PLD5: variants seen among roughly 807,000 people sequenced by gnomAD.
PLD5 encodes the protein phospholipase D family member 5.
A neutral mutation model predicts 61.1 loss-of-function variants in PLD5; 36 were observed. The observed-to-expected ratio is 0.59, with a 90% CI of 0.45 to 0.78. The LOEUF (loss-of-function observed/expected upper bound fraction) is 0.78. PLD5 is among the 30% of genes least tolerant of loss of function. The probability of loss-of-function intolerance (pLI) is 0.00; values close to 1 mark genes in which losing one functional copy is unlikely to be tolerated. For missense variants in PLD5, 515 were observed against 644.4 expected (o/e 0.80, Z 2.17); for synonymous variants, 243 against 242.8 (o/e 1.00, Z -0.01).
rs1558528072 is a variant in PLD5, at chr1:242,395,013, A to AATATATG, written c.190-46772_190-46771insCATATAT. ...AATATATATGTATATATGAATATAT[A>AATATATG]TGAATATATATGTATATATGAATGT... On this transcript the variant is annotated intron_variant, in intron 1 of 9. Transcript: ENST00000536534. Among the ~76,000 whole-genome samples the AATATATG allele has an allele frequency of 7.1e-4, 101 of 141,576 alleles. 3 individuals are homozygous for AATATATG. The highest frequency in any genetic ancestry group is 2.6e-3 in the African/African-American group (98 of 37,998). The allele number at this position is 141,576 out of a possible 152,430, so 92.9% of individuals were successfully genotyped here. A position where few individuals can be genotyped will look rare whatever the true frequency, so the allele number is the denominator to read the frequency against.
chr1:242,248,217 A>G (rs3001661), intron 4 of PLD5, among the ~76,000 whole-genome samples: 5,672 of 104,286 alleles, frequency 0.054, no homozygotes, highest in Admixed American at 0.061. Context: ...AGGCTGGGGA[A>G]GGCATGAAAA....
chr1:242,187,745 G>A (rs1667995728), intron 5 of PLD5, among the ~76,000 whole-genome samples: 1 of 152,128 alleles, frequency 6.6e-6, no homozygotes, highest in Non-Finnish European at 1.5e-5. Context: ...AGCACGTAAT[G>A]GGTAGAAATG....
chr1:242,370,202 C>T (rs923512373), intron 1 of PLD5, among the ~76,000 whole-genome samples: 1 of 152,142 alleles, frequency 6.6e-6, no homozygotes, highest in Non-Finnish European at 1.5e-5. Flanking sequence ...GTGGAAGAGA[C>T]CCTTGGGAAG....
At chr1:242,484,282 G>A (rs1235016443) in intron 1 of PLD5, among the ~76,000 whole-genome samples, 1 of 151,962 alleles carries the variant, frequency 6.6e-6, no homozygotes, top group African/African-American at 2.4e-5. Flanking sequence ...CTGGGTTTTT[G>A]AAAGATCAAC....
intron 4 of PLD5, among the ~76,000 whole-genome samples, chr1:242,255,095 A>G (rs1423024267): frequency 6.6e-6 from 1 of 152,104 alleles, no homozygotes; most frequent in Non-Finnish European, 1.5e-5. Flanking sequence ...CATCTGGGCC[A>G]TTACCAGAGC....
intron 9 of PLD5, among the ~76,000 whole-genome samples, chr1:242,094,653 C>G (rs1049640572): frequency 6.6e-6 from 1 of 151,982 alleles, no homozygotes; most frequent in African/African-American, 2.4e-5. Flanking sequence ...AAAATTCACT[C>G]ATTTAAAAAT....
chr1:242,136,182 C>T (rs1024451495), intron 5 of PLD5, among the ~76,000 whole-genome samples: 1 of 152,186 alleles, frequency 6.6e-6, no homozygotes, highest in South Asian at 2.1e-4. Flanking sequence ...CTGCATTTTC[C>T]ATTCTGGCTT....
intron 1 of PLD5, among the ~76,000 whole-genome samples, chr1:242,375,971 T>C (rs1207782699): frequency 1.3e-5 from 2 of 152,224 alleles, no homozygotes. Flanking sequence ...TTAAGTCAAC[T>C]GATTTTTTTC....
chr1:242,309,188 C>T lies in PLD5; in HGVS notation c.327-20658G>A, dbSNP rs371809339. Among the ~76,000 whole-genome samples, 15 of 152,232 alleles carry T rather than the reference C, an allele frequency of 9.9e-5. No homozygotes were observed. The South Asian group carries it at 2.5e-3, about 25-fold the overall frequency. ...GCAGGGGTGCCCAAGGGAGAGAACA[C>T]AGTCATGGCTTCTTAGTTTCTGTGT... On this transcript the variant is annotated intron_variant, in intron 2 of 9. Transcript: ENST00000536534.
chr1:242,349,864 A>T (rs1241105404), intron 1 of PLD5, among the ~76,000 whole-genome samples: 1 of 152,164 alleles, frequency 6.6e-6, no homozygotes, highest in African/African-American at 2.4e-5. Context: ...ACGAAGACAG[A>T]GTTTTGCCCT....
intron 1 of PLD5, among the ~76,000 whole-genome samples, chr1:242,489,505 T>G (rs1019515450): frequency 6.6e-6 from 1 of 151,936 alleles, no homozygotes; most frequent in African/African-American, 2.4e-5. Flanking sequence ...CGAAAGAGGA[T>G]GAGCTATATT....
Position 242,477,022 on chromosome 1 carries a change from G to T in PLD5, c.189+47066C>A, listed in dbSNP as rs1322636925. Among the ~76,000 whole-genome samples, 5 of 152,180 alleles carry T rather than the reference G, an allele frequency of 3.3e-5. 1 individual carries two copies. In the South Asian group the frequency reaches 1.0e-3, roughly 32 times the overall value. On this transcript the variant is annotated intron_variant, in intron 1 of 9. Coordinates refer to ENST00000536534, the MANE Select transcript of PLD5 (RefSeq NM_001372062.1). Reference sequence around the variant, plus strand: ...CCCAATACTTTGGGAGGCCGAGGTGGGTGGATCACTTGAGGTCAGGAGTTT... The same window carrying T: ...CCCAATACTTTGGGAGGCCGAGGTGTGTGGATCACTTGAGGTCAGGAGTTT...
chr1:242,394,988 AAT>A lies in PLD5; in HGVS notation c.190-46748_190-46747del, dbSNP rs534666387. On this transcript the variant is annotated intron_variant, in intron 1 of 9. Coordinates refer to ENST00000536534, the MANE Select transcript of PLD5 (RefSeq NM_001372062.1). Reference sequence around the variant, plus strand: ...ATATGATTATATATGAATATATATGAATATATATGTATATATGAATATATATG... The same window carrying A: ...ATATGATTATATATGAATATATATGAATATATGTATATATGAATATATATG... Among the ~76,000 whole-genome samples the A allele has an allele frequency of 6.1e-3, 312 of 51,162 alleles. 39 individuals are homozygous for A. Among genetic ancestry groups the A allele is most frequent in the African/African-American group, 0.027 (308 of 11,542 alleles). 33.6% of individuals were successfully genotyped at this position (51,162 alleles called of 152,430 possible).
intron 4 of PLD5, among the ~76,000 whole-genome samples, chr1:242,221,977 C>G (rs932992731): frequency 6.6e-6 from 1 of 152,068 alleles, no homozygotes; most frequent in African/African-American, 2.4e-5. Flanking sequence ...AGTCCAAAAC[C>G]AAGGTGTCAG....
At chr1:242,175,678 A>G (rs1667092633) in intron 5 of PLD5, among the ~76,000 whole-genome samples, 1 of 152,250 alleles carries the variant, frequency 6.6e-6, no homozygotes, top group African/African-American at 2.4e-5. Context: ...TGCAGATGAC[A>G]TGATTGTATA....
chr1:242,490,889 G>A (rs75321405), intron 1 of PLD5, among the ~76,000 whole-genome samples: 2,053 of 152,174 alleles, frequency 0.013, 53 homozygotes, highest in African/African-American at 0.047. Flanking sequence ...AATAAAATCC[G>A]TGGTGATGCT....
rs368132707 is a variant in PLD5, at chr1:242,104,297, C to CT, written c.1239+3373dup. On this transcript the variant is annotated intron_variant, in intron 8 of 9. Coordinates refer to ENST00000536534, the MANE Select transcript of PLD5 (RefSeq NM_001372062.1). ...CACCACCACACCTGGCTAGTTTTTG[C>CT]TTTTTTTTTTTTTTTTTGTAGAAAT... Among the ~76,000 whole-genome samples, 953 of 129,532 alleles carry CT rather than the reference C, an allele frequency of 7.4e-3. 14 individuals carry two copies. Among genetic ancestry groups the CT allele is most frequent in the South Asian group, 0.032 (128 of 4,032 alleles). The allele number at this position is 129,532 out of a possible 152,430, so 85.0% of individuals were successfully genotyped here.
At chr1:242,189,935 G>C (rs979460937) in intron 5 of PLD5, among the ~76,000 whole-genome samples, 1 of 152,182 alleles carries the variant, frequency 6.6e-6, no homozygotes, top group Non-Finnish European at 1.5e-5. Flanking sequence ...GGAAGAGGCT[G>C]AGGTCAAAGA....
rs141998554 is a variant in PLD5, at chr1:242,292,508, G to A, written c.327-3978C>T. On this transcript the variant is annotated intron_variant, in intron 2 of 9. Coordinates refer to ENST00000536534, the MANE Select transcript of PLD5 (RefSeq NM_001372062.1). The stretch of plus-strand genomic sequence containing the variant: ...GTACTGTCCCTATGGCTTCTCTTGG[G>A]CATACAAGTAAGTCACGATTCCCAA... Among the ~76,000 whole-genome samples the A allele has an allele frequency of 5.5e-4, 83 of 152,292 alleles. 3 individuals are homozygous for A. In the East Asian group the frequency reaches 0.015, roughly 28 times the overall value.
Sources: gnomAD v4.1 joint callset for allele counts (sites outside exome capture counted in the v4.1 genomes callset) on GRCh38, gnomAD v4.1.1 for gene constraint, MANE v1.5 for transcripts, NCBI Gene and HGNC (gene_info 2026-07-23, HGNC 2026-07-21) for gene names.